The following INPP4B variants were observed in gnomAD, a reference collection of about 807,000 sequenced individuals.
INPP4B encodes the protein inositol polyphosphate 4-phosphatase type II.
A neutral mutation model predicts 122.5 loss-of-function variants in INPP4B; 55 were observed. The ratio of observed to expected loss-of-function variants is 0.45; its 90% CI spans 0.36 to 0.56. The LOEUF (loss-of-function observed/expected upper bound fraction) is 0.56. Ranked by LOEUF, INPP4B falls within the 20% of genes least tolerant of loss-of-function variation. The pLI is 0.00. For synonymous variants in INPP4B, 403 were observed against 388.7 expected, an observed-to-expected ratio of 1.04 and a Z score of -0.43; for missense variants, 1,000 against 1,097.7, an observed-to-expected ratio of 0.91 and a Z score of 1.26.
chr4:142,206,261 C>T (rs1232475331), intron 14 of INPP4B, among the ~76,000 whole-genome samples: 1 of 151,962 alleles, frequency 6.6e-6, no homozygotes, highest in Non-Finnish European at 1.5e-5. Flanking sequence ...CATTGTTGCA[C>T]TGGGGATTAA....
chr4:142,399,056 ATGG>A (rs1800706987), intron 7 of INPP4B, among the ~76,000 whole-genome samples: 1 of 152,112 alleles, frequency 6.6e-6, no homozygotes, highest in Non-Finnish European at 1.5e-5. Context: ...TGCAGATTTG[ATGG>A]CTGTCCTCAG....
rs185956259 is a variant in INPP4B at position 142,381,924 on chromosome 4, T to C, written c.372+21014A>G. Among the ~76,000 whole-genome samples the C allele has an allele frequency of 3.6e-3, 548 of 152,144 alleles. 8 individuals carry two copies. Among genetic ancestry groups the C allele is most frequent in the African/African-American group, 0.012 (508 of 41,532 alleles). ...TTGTCTATTACAATTAAAAAAACTA[T>C]GCAAATTTGATTGTAGTTTTATGTT... On this transcript the variant is annotated intron_variant, in intron 7 of 25. Coordinates refer to ENST00000262992, the MANE Select transcript of INPP4B (RefSeq NM_001101669.3).
rs115480397 is a variant in INPP4B, at chr4:142,730,812, G to T, written c.-253-4911C>A. On this transcript the variant is annotated intron_variant, in intron 1 of 25. Coordinates refer to ENST00000262992, the MANE Select transcript of INPP4B (RefSeq NM_001101669.3). The stretch of plus-strand genomic sequence containing the variant: ...TCAATGATCAGCATATATGGAGAAG[G>T]TACCTGTTAAGTGCAGACACAATTG... Among the ~76,000 whole-genome samples the T allele has an allele frequency of 5.6e-3, 856 of 152,232 alleles. 9 individuals carry two copies. Among genetic ancestry groups the T allele is most frequent in the African/African-American group, 0.019 (805 of 41,534 alleles).
intron 2 of INPP4B, among the ~76,000 whole-genome samples, chr4:142,720,154 G>A (rs1171283901): frequency 1.3e-5 from 2 of 152,182 alleles, no homozygotes; most frequent in Non-Finnish European, 2.9e-5. Context: ...CTTGTTACAT[G>A]TGAACAGAAA....
chr4:142,349,289 G>C (rs751495082), intron 7 of INPP4B, among the ~76,000 whole-genome samples: 1 of 151,988 alleles, frequency 6.6e-6, no homozygotes, highest in Non-Finnish European at 1.5e-5. Flanking sequence ...AGAGATAAAA[G>C]AAATATTATG....
intron 25 of INPP4B, among the ~76,000 whole-genome samples, chr4:142,073,221 C>T (rs747356193): frequency 6.6e-6 from 1 of 152,132 alleles, no homozygotes; most frequent in Non-Finnish European, 1.5e-5. Context: ...CTGATAGGCT[C>T]ACTAAATGGA....
chr4:142,037,744 C>T (rs17015287), intron 25 of INPP4B, among the ~76,000 whole-genome samples: 2,346 of 152,202 alleles, frequency 0.015, 57 homozygotes, highest in African/African-American at 0.053. Context: ...TAGAGTACCA[C>T]GTTTCAGGCC....
At chr4:142,086,067 C>A in intron 24 of INPP4B, 77 bp downstream of exon 24, 1 of 967,776 alleles carries the variant, frequency 1.0e-6, no homozygotes, top group Non-Finnish European at 1.7e-6. Flanking sequence ...AGAGGTTGGA[C>A]CCTGCACAGT....
chr4:142,396,836 A>G (rs1799525938), intron 7 of INPP4B, among the ~76,000 whole-genome samples: 1 of 152,146 alleles, frequency 6.6e-6, no homozygotes, highest in Non-Finnish European at 1.5e-5. Context: ...AAAAGATACT[A>G]GATGTAACAG....
intron 2 of INPP4B, among the ~76,000 whole-genome samples, chr4:142,581,547 C>A (rs1735076078): frequency 2.8e-5 from 1 of 35,160 alleles, no homozygotes. Context: ...GATAGAAGTT[C>A]CATTTCTATC....
At chr4:142,177,310 T>C (rs1828777878) in intron 15 of INPP4B, among the ~76,000 whole-genome samples, 1 of 152,226 alleles carries the variant, frequency 6.6e-6, no homozygotes, top group Non-Finnish European at 1.5e-5. Context: ...ACATAAATTT[T>C]ATCTACCTAT....
chr4:142,234,611 T>C (rs1016031874), intron 12 of INPP4B, among the ~76,000 whole-genome samples: 41 of 152,164 alleles, frequency 2.7e-4, no homozygotes, highest in African/African-American at 9.2e-4. Flanking sequence ...TAAATTCTAA[T>C]GATAGGAGAT....
At chr4:142,055,138 C>G (rs1315492238) in intron 25 of INPP4B, among the ~76,000 whole-genome samples, 1 of 152,012 alleles carries the variant, frequency 6.6e-6, no homozygotes, top group Non-Finnish European at 1.5e-5. Flanking sequence ...ACTTATAATT[C>G]CAAAGTAATA....
chr4:142,380,665 TTTTC>T (rs1163905979), intron 7 of INPP4B, among the ~76,000 whole-genome samples: 1 of 152,096 alleles, frequency 6.6e-6, no homozygotes, highest in African/African-American at 2.4e-5. Context: ...TTATTTCATA[TTTTC>T]TTTATTTTTC....
chr4:142,119,494 T>C (rs1795476115), intron 21 of INPP4B, among the ~76,000 whole-genome samples: 1 of 151,880 alleles, frequency 6.6e-6, no homozygotes, highest in South Asian at 2.1e-4. Context: ...ATGTCCTTTG[T>C]AGGGATATGG....
intron 12 of INPP4B, among the ~76,000 whole-genome samples, chr4:142,222,585 T>A (rs1849794228): frequency 1.3e-5 from 2 of 152,224 alleles, no homozygotes; most frequent in South Asian, 2.1e-4. Flanking sequence ...TTATTATATG[T>A]TAGGTATTGT....
At chr4:142,307,402 T>A (rs1364600645) in intron 8 of INPP4B, among the ~76,000 whole-genome samples, 2 of 152,156 alleles carry the variant, frequency 1.3e-5, no homozygotes, top group African/African-American at 4.8e-5. Flanking sequence ...AAAAAATAAT[T>A]GAGAATTGAA....
At position 142,027,997 on chromosome 4, in the gene INPP4B, G is replaced by C. The variant is rs1428258079; in HGVS notation, c.*785C>G. The C allele has an allele frequency of 8.6e-5, 17 of 198,534 alleles. No individual in the cohort carries two copies. In the East Asian group the frequency reaches 1.3e-3, roughly 15 times the overall value. 12.3% of individuals were successfully genotyped at this position (198,534 alleles called of 1,614,324 possible). A position where few individuals can be genotyped will look rare whatever the true frequency, so the allele number is the denominator to read the frequency against. On this transcript the variant is annotated 3_prime_UTR_variant, in exon 26 of 26. Coordinates refer to ENST00000262992, the MANE Select transcript of INPP4B (RefSeq NM_001101669.3). ...TCAGGCTGATGGGAATTTTCATTTT[G>C]GGTATCAAAATGTTGTTCATTTTTA...
intron 7 of INPP4B, among the ~76,000 whole-genome samples, chr4:142,386,033 C>T (rs1199046302): frequency 6.6e-6 from 1 of 152,150 alleles, no homozygotes; most frequent in Non-Finnish European, 1.5e-5. Context: ...ATCTCCCCTT[C>T]TCTGCACTTT....
Sources: allele counts gnomAD v4.1 joint callset (sites outside exome capture counted in the v4.1 genomes callset), GRCh38; gene constraint gnomAD v4.1.1; transcripts MANE v1.5; gene names NCBI Gene and HGNC (gene_info 2026-07-23, HGNC 2026-07-21).